COL2A1: variants seen among roughly 807,000 people sequenced by gnomAD.
COL2A1 encodes the protein collagen alpha-1(II) chain.
A neutral mutation model predicts 204.5 loss-of-function variants in COL2A1; 28 were observed. The ratio of observed to expected loss-of-function variants is 0.14; its 90% confidence interval spans 0.10 to 0.19. The LOEUF (loss-of-function observed/expected upper bound fraction) is 0.19. Among genes scored for constraint, COL2A1 ranks in the 10% least tolerant of loss-of-function variants. The pLI is 1.00. For synonymous variants in COL2A1, 708 were observed against 718.7 expected (o/e 0.99, Z 0.24); for missense variants, 1,388 against 2,027.5 (o/e 0.68, Z 6.06).
Position 47,985,731 on chromosome 12 carries a change from G to A in COL2A1, c.1677C>T (p.Ala559=). The change falls in exon 25 of 54, where the codon GCC becomes GCT. Residue 559 remains alanine (A), a synonymous_variant. Transcript: ENST00000380518. ...CAACAGCAGCTCTGCTACTTACCCG[G>A]GCTCCAGGAAGGCCAGGTTCTCCAG... ...GRPGEPGLPG[A]RGLTGRPGDA... 6.2e-7 allele frequency: 1 copy of A among 1,613,930 alleles called. No homozygotes were observed. Among genetic ancestry groups the A allele is most frequent in the Non-Finnish European group, 8.5e-7 (1 of 1,179,914 alleles).
chr12:47,983,665 C>G lies in COL2A1; in HGVS notation c.1995+18G>C. 1 of 1,592,388 alleles carries G rather than the reference C, an allele frequency of 6.3e-7. No individual in the cohort carries two copies. The highest frequency in any genetic ancestry group is 1.1e-5 in the South Asian group (1 of 87,462). On this transcript the variant is annotated intron_variant, in intron 30 of 53. Coordinates refer to ENST00000380518, the MANE Select transcript of COL2A1 (RefSeq NM_001844.5). The stretch of plus-strand genomic sequence containing the variant: ...GTATGGCAAAGGACTGCACAGAGAG[C>G]CTGGTCCAGCCACCTACCTGGAACC...
chr12:47,984,038 C>T (rs1489690739), intron 29 of COL2A1, 49 bp downstream of exon 29: 2 of 1,554,448 alleles, frequency 1.3e-6, no homozygotes, highest in African/African-American at 1.4e-5. Context: ...CCCCACCCCT[C>T]CCAGCCCCTG....
rs749410874 is a variant in COL2A1, at chr12:47,997,738, G to A, written c.430-31C>T. 6 of 1,613,968 alleles carry A rather than the reference G, an allele frequency of 3.7e-6. No individual in the cohort carries two copies. In the Admixed American group the frequency reaches 5.0e-5, roughly 13 times the overall value. On this transcript the variant is annotated intron_variant, in intron 6 of 53. Coordinates refer to ENST00000380518, the MANE Select transcript of COL2A1 (RefSeq NM_001844.5). ...CATAAAGAGAAAAAGGCATCAATGG[G>A]AAGCAGTGTTTCTCCAAGAGCCATC...
intron 1 of COL2A1, 44 bp downstream of exon 1, chr12:48,004,192 AC>A: frequency 7.4e-7 from 1 of 1,347,198 alleles, no homozygotes; most frequent in South Asian, 1.2e-5. Context: ...ATGCTGAGGG[AC>A]GCATGGAAAG....
intron 50 of COL2A1, 109 bp from the exon 51 acceptor site, chr12:47,975,714 TG>T: frequency 7.9e-7 from 1 of 1,263,384 alleles, no homozygotes; most frequent in Non-Finnish European, 1.1e-6. Context: ...GCCCCATGGG[TG>T]GGGCGGAGGT....
Position 47,984,543 on chromosome 12 carries a change from T to C in COL2A1, c.1887+3A>G. On this transcript the variant is annotated splice_donor_region_variant and intron_variant, in intron 28 of 53. Coordinates refer to ENST00000380518, the MANE Select transcript of COL2A1 (RefSeq NM_001844.5). ...GTCATGGGCAGCGGGGAAGGATACT[T>C]ACCCTCAGACCAGGAGCACCAGGCA... 1 of 1,614,100 alleles carries C rather than the reference T, an allele frequency of 6.2e-7. No individual in the cohort carries two copies. The highest frequency in any genetic ancestry group is 8.5e-7 in the Non-Finnish European group (1 of 1,179,990).
At chr12:48,004,146 C>T (rs1268276428) in intron 1 of COL2A1, 91 bp downstream of exon 1, 1 of 1,015,862 alleles carries the variant, frequency 9.8e-7, no homozygotes, top group East Asian at 2.6e-5. Flanking sequence ...AGCCCGGAGC[C>T]GCGGGCTCCA....
At chr12:47,984,451 G>A in intron 28 of COL2A1, 95 bp downstream of exon 28, 1 of 1,285,314 alleles carries the variant, frequency 7.8e-7, no homozygotes, top group South Asian at 1.2e-5. Context: ...AATACTGAGG[G>A]GTCCCGGGAC....
chr12:47,985,104 G>C lies in COL2A1; in HGVS notation c.1735-11C>G. The C allele has an allele frequency of 3.1e-6, 5 of 1,605,062 alleles. No homozygotes were observed. The highest frequency in any genetic ancestry group is 1.7e-4 in the Middle Eastern group (1 of 6,050). ...TTCACCAGGGGCTCCCTGAAAGACA[G>C]AACACCATTCTCAGAACATAGACAC... On this transcript the variant is annotated splice_polypyrimidine_tract_variant and intron_variant, in intron 26 of 53. Coordinates refer to ENST00000380518, the MANE Select transcript of COL2A1 (RefSeq NM_001844.5).
At chr12:47,975,295 G>A (rs1938645463) in intron 51 of COL2A1, 22 bp downstream of exon 51, 1 of 1,613,012 alleles carries the variant, frequency 6.2e-7, no homozygotes, top group African/African-American at 1.3e-5. Flanking sequence ...CCGGGGCAGG[G>A]GATCCTGTTC....
At chr12:47,997,837 CCACCA>C in intron 6 of COL2A1, 29 bp downstream of exon 6, 1 of 1,613,812 alleles carries the variant, frequency 6.2e-7, no homozygotes, top group East Asian at 2.2e-5. Context: ...CCTGGGAAGT[CCACCA>C]GGGTCAAGCA....
chr12:47,995,575 G>T, intron 10 of COL2A1, 135 bp downstream of exon 10: 1 of 959,740 alleles, frequency 1.0e-6, no homozygotes, highest in Non-Finnish European at 1.7e-6. Context: ...GCTAGGAAGT[G>T]ACATCCGAAT....
chr12:48,000,063 C>T lies in COL2A1; in HGVS notation c.148G>A (p.Glu50Lys). Residue 50 changes from glutamate to lysine, a missense_variant, in exon 2 of 54, where the codon GAG becomes AAG. Physicochemically the swap from Glu to Lys is moderately conservative, Grantham distance 56. Coordinates refer to ENST00000380518, the MANE Select transcript of COL2A1 (RefSeq NM_001844.5). Reference protein sequence around the residue: ...RYNDKDVWKPEPCRICVCDTG... With the variant: ...RYNDKDVWKPKPCRICVCDTG... ...TCACAGACACAGATCCGGCAGGGCT[C>T]CGGCTTCCACACATCCTTATCATTA... 2 of 1,613,912 alleles carry T rather than the reference C, an allele frequency of 1.2e-6. No homozygotes were observed. The highest frequency in any genetic ancestry group is 2.2e-5 in the East Asian group (1 of 44,878).
chr12:47,981,429 A>G, intron 36 of COL2A1, 33 bp from the exon 37 acceptor site: 1 of 1,595,704 alleles, frequency 6.3e-7, no homozygotes. Context: ...GAGCTGGGGT[A>G]AGAAGGTGGG....
chr12:47,983,301 A>G, intron 31 of COL2A1, 84 bp downstream of exon 31: 1 of 1,519,054 alleles, frequency 6.6e-7, no homozygotes, highest in Non-Finnish European at 9.1e-7. Context: ...AGGGCTCCTC[A>G]TGCCCTCTTG....
chr12:47,989,716 T>C, intron 17 of COL2A1, 45 bp downstream of exon 17: 1 of 1,590,138 alleles, frequency 6.3e-7, no homozygotes, highest in Non-Finnish European at 8.6e-7. Context: ...TTAACGGGAC[T>C]TAAAGCACAG....
intron 1 of COL2A1, among the ~76,000 whole-genome samples, chr12:48,000,741 G>A (rs949087372): frequency 5.9e-5 from 9 of 152,334 alleles, no homozygotes; most frequent in African/African-American, 1.4e-4. Context: ...GTGAAAAGAC[G>A]AGCTATTAGA....
Position 47,997,592 on chromosome 12 carries a change from G to C in COL2A1, c.531+14C>G, listed in dbSNP as rs766215546. On this transcript the variant is annotated intron_variant, in intron 7 of 53. Transcript: ENST00000380518. ...GAGGGACAGCCTGAAGGAATGGGAA[G>C]TAAGGATACTTACTCCACCAAGACC... 1.2e-6 allele frequency: 2 copies of C among 1,613,920 alleles called. No homozygotes were observed. Among genetic ancestry groups the C allele is most frequent in the South Asian group, 2.2e-5 (2 of 91,072 alleles).
Position 47,999,910 on chromosome 12 carries a change from A to T in COL2A1, c.292+9T>A. ...ATTTATGTTGAACAGGAAATAAATAAATTACAACCACTGGCAGTGGCGAGG... is the reference window on the plus strand; with the variant it reads ...ATTTATGTTGAACAGGAAATAAATATATTACAACCACTGGCAGTGGCGAGG... On this transcript the variant is annotated intron_variant, in intron 2 of 53. Transcript: ENST00000380518. The T allele has an allele frequency of 1.2e-6, 2 of 1,611,642 alleles. No homozygotes were observed. Among genetic ancestry groups the T allele is most frequent in the Non-Finnish European group, 1.7e-6 (2 of 1,177,786 alleles).
Sources: gnomAD v4.1 joint callset for allele counts (sites outside exome capture counted in the v4.1 genomes callset) on GRCh38, gnomAD v4.1.1 for gene constraint, MANE v1.5 for transcripts, NCBI Gene and HGNC (gene_info 2026-07-23, HGNC 2026-07-21) for gene names.